ADAMTS13: variants seen among roughly 807,000 people sequenced by gnomAD.
ADAMTS13 encodes A disintegrin and metalloproteinase with thrombospondin motifs 13.
Under a neutral mutation model 155.1 loss-of-function variants are expected in ADAMTS13, and 110 were observed. The observed-to-expected ratio is 0.71, with a 90% confidence interval of 0.61 to 0.83. ADAMTS13 has a LOEUF of 0.83. Among genes scored for constraint, ADAMTS13 ranks in the 40% least tolerant of loss-of-function variants. The probability of loss-of-function intolerance (pLI) is 0.00; values close to 1 mark genes in which losing one functional copy is unlikely to be tolerated. For synonymous variants in ADAMTS13, 758 were observed against 756.4 expected (o/e 1.00, Z -0.03); for missense variants, 1,707 against 1,891.7 (o/e 0.90, Z 1.81).
rs991153407 is a variant in ADAMTS13, at chr9:133,441,449, G to T, written c.1968+924G>T. 1.3e-5 allele frequency among the ~76,000 whole-genome samples: 2 copies of T among 152,180 alleles called. No individual in the cohort carries two copies. The highest frequency in any genetic ancestry group is 1.3e-4 in the Admixed American group (2 of 15,268). On this transcript the variant is annotated intron_variant, in intron 16 of 28. Transcript: ENST00000355699. This position sits in a 1 kb window ranked among gnomAD's most constrained non-coding sequence, Gnocchi z 5.0. ...CAGTGTGTAAAAAAGCAGATTCCCGGGTCCTCTGCATATTCCCTGAATCAG... is the reference window on the plus strand; with the variant it reads ...CAGTGTGTAAAAAAGCAGATTCCCGTGTCCTCTGCATATTCCCTGAATCAG...
At position 133,425,757 on chromosome 9, in the gene ADAMTS13, C is replaced by T; in HGVS notation, c.414+145C>T. 2.2e-6 allele frequency: 3 copies of T among 1,384,944 alleles called. No individual in the cohort carries two copies. The East Asian group carries it at 7.5e-5, about 34-fold the overall frequency. The allele number at this position is 1,384,944 out of a possible 1,614,324, so 85.8% of individuals were successfully genotyped here. ...TCAGCCAGACAGACCAGCTGCCCTC[C>T]CAGCTCTACCCAGCACTCAGCACAG... On this transcript the variant is annotated intron_variant, in intron 4 of 28. Transcript: ENST00000355699. The surrounding 1 kb of genome is among the most constrained non-coding windows in gnomAD (Gnocchi z 4.6).
chr9:133,423,174 G>A lies in ADAMTS13; in HGVS notation c.172+7G>A. 1 of 1,613,634 alleles carries A rather than the reference G, an allele frequency of 6.2e-7. No individual in the cohort carries two copies. The highest frequency in any genetic ancestry group is 8.5e-7 in the Non-Finnish European group (1 of 1,179,698). ...CCTGGTGCTCCCTTAAAAGGTACTT[G>A]TCCTGGTGTCTTCTCTCCCGGGGGG... On this transcript the variant is annotated splice_region_variant and intron_variant, in intron 2 of 28. Transcript: ENST00000355699.
intron 21 of ADAMTS13, 86 bp from the exon 22 acceptor site, chr9:133,448,513 T>C (rs1009305104): frequency 1.9e-6 from 3 of 1,577,712 alleles, no homozygotes; most frequent in East Asian, 2.2e-5. Flanking sequence ...GCGGGCCTTA[T>C]GTGCTAGAGG....
chr9:133,437,861 C>A lies in ADAMTS13; in HGVS notation c.1548C>A (p.Asp516Glu), dbSNP rs587612482. 9.3e-6 allele frequency: 15 copies of A among 1,613,710 alleles called. No homozygotes were observed. The South Asian group carries it at 1.6e-4, about 18-fold the overall frequency. The change falls in exon 13 of 29, where the codon GAC becomes GAA. Residue 516 changes from aspartate to glutamate, a missense_variant. This residue lies in a region of ADAMTS13 where 733 missense variants were observed against 749.6 expected (regional missense o/e 0.98). Coordinates refer to ENST00000355699, the MANE Select transcript of ADAMTS13 (RefSeq NM_139027.6). ...TRCMPSGPRE[D>E]GTLSLCVSGS... ...GTATGCCAAGTGGCCCCCGGGAGGA[C>A]GGGACCCTGAGCCTGTGTGTGTCGG...
rs1554790831 is a variant in ADAMTS13 at position 133,441,765 on chromosome 9, C to T, written c.1969-634C>T. Among the ~76,000 whole-genome samples the T allele has an allele frequency of 2.6e-5, 4 of 152,152 alleles. No homozygotes were observed. ...TCCAGTTTCTTCCTGCCGACCCTAC[C>T]ACAGGTCCCCAGGGATCCAGTTTCT... On this transcript the variant is annotated intron_variant, in intron 16 of 28. Transcript: ENST00000355699. This position sits in a 1 kb window ranked among gnomAD's most constrained non-coding sequence, Gnocchi z 5.0.
chr9:133,425,335 G>A lies in ADAMTS13; in HGVS notation c.331-194G>A, dbSNP rs1444668312. Among the ~76,000 whole-genome samples the A allele has an allele frequency of 6.6e-6, 1 of 152,174 alleles. No homozygotes were observed. The highest frequency in any genetic ancestry group is 1.9e-4 in the East Asian group (1 of 5,194). On this transcript the variant is annotated intron_variant, in intron 3 of 28. Transcript: ENST00000355699. This position sits in a 1 kb window ranked among gnomAD's most constrained non-coding sequence, Gnocchi z 4.6. ...GCGTTAGTTGGCCTTCCTGAGCCAT[G>A]AGCTGAGGAGCAACAGAGGCACGGC...
chr9:133,429,881 G>A, intron 7 of ADAMTS13, 58 bp from the exon 8 acceptor site: 1 of 1,532,764 alleles, frequency 6.5e-7, no homozygotes, highest in Non-Finnish European at 8.7e-7. Context: ...CCTCCGTCCC[G>A]CCTCCTCCCG....
Position 133,433,469 on chromosome 9 carries a change from C to T in ADAMTS13, c.1184C>T (p.Pro395Leu). 6.2e-7 allele frequency: 1 copy of T among 1,613,636 alleles called. No individual in the cohort carries two copies. Among genetic ancestry groups the T allele is most frequent in the Non-Finnish European group, 8.5e-7 (1 of 1,179,970 alleles). ...TGGTCTAGCTGGGGTCCCCGAAGTC[C>T]TTGCTCCCGCTCCTGCGGAGGAGGT... ...GRWSSWGPRS[P>L]CSRSCGGGVV... Residue 395 changes from proline (P) to leucine (L), a missense_variant, in exon 10 of 29, where the codon CCT becomes CTT. This residue lies in a region of ADAMTS13 where 733 missense variants were observed against 749.6 expected (regional missense o/e 0.98). Transcript: ENST00000355699.
chr9:133,442,467 G>C lies in ADAMTS13; in HGVS notation c.2037G>C (p.Gln679His), dbSNP rs1554791084. 6.2e-7 allele frequency: 1 copy of C among 1,613,866 alleles called. No homozygotes were observed. Among genetic ancestry groups the C allele is most frequent in the South Asian group, 1.1e-5 (1 of 91,090 alleles). ...CAGACATCACCTTCACCTACTTCCA[G>C]CCTAAGCCACGGCAGGCCTGGGTGT... is the stretch of plus-strand genomic sequence containing the variant. Reference protein sequence around the residue: ...TRPDITFTYFQPKPRQAWVWA... With the variant: ...TRPDITFTYFHPKPRQAWVWA... Residue 679 changes from glutamine to histidine, a missense_variant, in exon 17 of 29, where the codon CAG becomes CAC. Around this residue, in one of 3 missense-constraint regions of ADAMTS13, gnomAD observed 961 missense variants for 1,107.9 expected, o/e 0.87. Coordinates refer to ENST00000355699, the MANE Select transcript of ADAMTS13 (RefSeq NM_139027.6).
chr9:133,452,868 T>A (rs1554794692), intron 23 of ADAMTS13, among the ~76,000 whole-genome samples: 1 of 152,224 alleles, frequency 6.6e-6, no homozygotes, highest in African/African-American at 2.4e-5. Flanking sequence ...ATTCCAGGGA[T>A]ACTCCCCTGA....
Position 133,429,982 on chromosome 9 carries a change from C to T in ADAMTS13, c.868C>T (p.Pro290Ser), listed in dbSNP as rs782613885. Reference sequence around the variant, plus strand: ...CGTGTGGGACCCGCCGCGGCCTCAACCCGGGTCCGCGGGGCACCCGCCGGA... The same window carrying T: ...CGTGTGGGACCCGCCGCGGCCTCAATCCGGGTCCGCGGGGCACCCGCCGGA... ...RCVWDPPRPQPGSAGHPPDAQ... is the reference protein window; with the variant it reads ...RCVWDPPRPQSGSAGHPPDAQ... Residue 290 changes from proline to serine, a missense_variant, in exon 8 of 29, where the codon CCC (proline) becomes TCC (serine). By Grantham distance (74) the Pro-to-Ser change is moderately conservative. Around this residue, in one of 3 missense-constraint regions of ADAMTS13, gnomAD observed 733 missense variants for 749.6 expected, o/e 0.98. Transcript: ENST00000355699. The T allele has an allele frequency of 4.5e-6, 7 of 1,551,486 alleles. No individual in the cohort carries two copies. In the Admixed American group the frequency reaches 1.1e-4, roughly 25 times the overall value.
In ADAMTS13 at chr9:133,456,089, C is replaced by T; in HGVS notation, c.3421C>T (p.Leu1141Phe). Residue 1141 changes from leucine (L) to phenylalanine (F), a missense_variant, in exon 26 of 29, where the codon CTT (leucine) becomes TTT (phenylalanine). By Grantham distance (22) the Leu-to-Phe change is conservative (BLOSUM62 0). Coordinates refer to ENST00000355699, the MANE Select transcript of ADAMTS13 (RefSeq NM_139027.6). This position sits in a 1 kb window ranked among gnomAD's most constrained non-coding sequence, Gnocchi z 4.4. ...TTCAGGTGCCTGTGGCAGGCAGCAC[C>T]TTGAGCCAACAGGAACCATTGACAT... ...VGQGACGRQH[L>F]EPTGTIDMRG... 1 of 1,613,270 alleles carries T rather than the reference C, an allele frequency of 6.2e-7. No individual in the cohort carries two copies.
intron 11 of ADAMTS13, among the ~76,000 whole-genome samples, 200 bp from the exon 12 acceptor site, chr9:133,436,629 T>TC (rs1326584010): frequency 6.6e-6 from 1 of 152,098 alleles, no homozygotes; most frequent in African/African-American, 2.4e-5. Flanking sequence ...CTTTACGGAT[T>TC]CCCCGGGGTT....
At chr9:133,438,748 T>C (rs978096189) in intron 14 of ADAMTS13, among the ~76,000 whole-genome samples, 2 of 152,036 alleles carry the variant, frequency 1.3e-5, no homozygotes, top group Admixed American at 6.6e-5. Context: ...ACCCCATCTC[T>C]ACTAAAAATA....
intron 18 of ADAMTS13, 77 bp from the exon 19 acceptor site, chr9:133,443,299 A>G (rs982063303): frequency 3.3e-6 from 5 of 1,515,738 alleles, no homozygotes; most frequent in South Asian, 1.2e-5. Context: ...GGGGGAGTAC[A>G]TCAGCACCTG....
chr9:133,435,824 G>A (rs587653800), intron 11 of ADAMTS13, among the ~76,000 whole-genome samples: 9 of 152,102 alleles, frequency 5.9e-5, no homozygotes, highest in South Asian at 4.2e-4. Context: ...GAGCCACCGC[G>A]CCCAGCATGT....
intron 1 of ADAMTS13, chr9:133,414,958 C>T: frequency 6.2e-7 from 1 of 1,609,344 alleles, no homozygotes. Flanking sequence ...TGGAACCCAT[C>T]TGAGAGATGA....
intron 28 of ADAMTS13, among the ~76,000 whole-genome samples, chr9:133,458,685 C>T (rs1296362019): frequency 6.6e-6 from 1 of 152,008 alleles, no homozygotes; most frequent in Non-Finnish European, 1.5e-5. Flanking sequence ...TAGCACCCTG[C>T]ACCCTCCCCG....
At position 133,430,027 on chromosome 9, in the gene ADAMTS13, T is replaced by C; in HGVS notation, c.913T>C (p.Tyr305His). The change falls in exon 8 of 29, where the codon TAC becomes CAC. Residue 305 changes from tyrosine to histidine, a missense_variant. Around this residue, in one of 3 missense-constraint regions of ADAMTS13, gnomAD observed 733 missense variants for 749.6 expected, o/e 0.98. Transcript: ENST00000355699. ...HPPDAQPGLY[Y>H]SANEQCRVAF... ...GCCGGATGCGCAGCCTGGCCTCTAC[T>C]ACAGCGCCAACGAGCAGTGCCGCGT... 1 of 1,593,318 alleles carries C rather than the reference T, an allele frequency of 6.3e-7. No homozygotes were observed.
Sources: allele counts gnomAD v4.1 joint callset (sites outside exome capture counted in the v4.1 genomes callset), GRCh38; gene constraint gnomAD v4.1.1; regional missense constraint gnomAD v4.1.1; non-coding constraint Gnocchi (gnomAD v3.1); transcripts MANE v1.5; gene names NCBI Gene and HGNC (gene_info 2026-07-23, HGNC 2026-07-21).